Variants in CWC15 observed in about 807,000 individuals in gnomAD.
CWC15 encodes CWC15 spliceosome associated protein.
A neutral mutation model predicts 28.4 loss-of-function variants in CWC15; 12 were observed. The observed-to-expected ratio is 0.42, with a 90% CI of 0.27 to 0.69. CWC15 has a LOEUF of 0.69. CWC15 is among the 30% of genes least tolerant of loss of function. The pLI, the probability that CWC15 is intolerant of heterozygous loss-of-function variation, is 0.23. For synonymous variants in CWC15, 92 were observed against 88.4 expected (o/e 1.04, Z -0.23); for missense variants, 192 against 271.5 (o/e 0.71, Z 2.06).
rs1857595439 is a variant in CWC15, at chr11:94,963,458, T to G, written c.617A>C (p.Lys206Thr). The G allele has an allele frequency of 6.3e-7, 1 of 1,583,240 alleles. No homozygotes were observed. The highest frequency in any genetic ancestry group is 2.3e-5 in the East Asian group (1 of 44,086). The change falls in exon 7 of 7, where the codon AAA becomes ACA. Residue 206 changes from lysine to threonine, a missense_variant. Lys to Thr is a moderately conservative substitution (Grantham distance 78). Around this residue, in one of 2 missense-constraint regions of CWC15, gnomAD observed 188 missense variants for 250.3 expected, o/e 0.75. Coordinates refer to ENST00000279839, the MANE Select transcript of CWC15 (RefSeq NM_016403.4). ...TGTGTCATTTACAAATCTTTTGTCT[T>G]TCTTCTGGTCATCTACACCTTTTGC... Reference protein sequence around the residue: ...NCAKGVDDQKKDKRFVNDTLR... With the variant: ...NCAKGVDDQKTDKRFVNDTLR...
intron 6 of CWC15, among the ~76,000 whole-genome samples, chr11:94,964,866 TCTC>T (rs1455429342): frequency 1.3e-5 from 2 of 152,246 alleles, no homozygotes; most frequent in East Asian, 1.9e-4. Flanking sequence ...AGTTCTGACT[TCTC>T]CTCTCTAGCT....
In CWC15 at chr11:94,966,248, C is replaced by CAA. The variant is rs782241862; in HGVS notation, c.560+46_560+47insTT. The CAA allele has an allele frequency of 5.1e-6, 5 of 986,554 alleles. No homozygotes were observed. In the South Asian group the frequency reaches 6.9e-5, roughly 14 times the overall value. The allele number at this position is 986,554 out of a possible 1,614,324, so 61.1% of individuals were successfully genotyped here. ...ATATACACACACACACACACACACA[C>CAA]ACACACACACACACACACACTCCAT... is the stretch of plus-strand genomic sequence containing the variant. On this transcript the variant is annotated intron_variant, in intron 6 of 6. Coordinates refer to ENST00000279839, the MANE Select transcript of CWC15 (RefSeq NM_016403.4).
At chr11:94,964,848 C>G (rs1857616195) in intron 6 of CWC15, among the ~76,000 whole-genome samples, 1 of 152,242 alleles carries the variant, frequency 6.6e-6, no homozygotes, top group South Asian at 2.1e-4. Flanking sequence ...TCTAAACATA[C>G]CAAGCTCAGT....
chr11:94,966,456 C>T, intron 5 of CWC15, 43 bp from the exon 6 acceptor site: 3 of 1,311,778 alleles, frequency 2.3e-6, no homozygotes, highest in Admixed American at 2.5e-5. Flanking sequence ...TATTTTAACT[C>T]TGGGTTCAAT....
intron 4 of CWC15, 60 bp downstream of exon 4, chr11:94,970,917 G>C: frequency 7.5e-7 from 1 of 1,331,650 alleles, no homozygotes; most frequent in Non-Finnish European, 1.1e-6. Context: ...GACATAACAA[G>C]TATTTTAGAA....
intron 5 of CWC15, 131 bp from the exon 6 acceptor site, chr11:94,966,544 G>GTT: frequency 8.0e-6 from 3 of 375,172 alleles, no homozygotes; most frequent in South Asian, 5.1e-5. Context: ...ATCAAGGCAG[G>GTT]CTTTTTTTTT....
chr11:94,965,405 A>G (rs1555095083), intron 6 of CWC15, among the ~76,000 whole-genome samples: 1 of 152,124 alleles, frequency 6.6e-6, no homozygotes, highest in African/African-American at 2.4e-5. Flanking sequence ...TACAACTTAT[A>G]TTTTCTCCCT....
intron 4 of CWC15, 55 bp from the exon 5 acceptor site, chr11:94,970,151 C>T: frequency 1.2e-6 from 1 of 868,762 alleles, no homozygotes; most frequent in Non-Finnish European, 1.8e-6. Flanking sequence ...ACTACCAAAA[C>T]ACAGTACATA....
At chr11:94,973,265 G>A (rs2134105530) in intron 1 of CWC15, 1 of 148,102 alleles carries the variant, frequency 6.8e-6, no homozygotes, top group South Asian at 2.2e-4. Flanking sequence ...GGGTAGTGAA[G>A]GGAGGACCTG....
rs1555095276 is a variant in CWC15, at chr11:94,966,341, G to T, written c.514C>A (p.Leu172Ile). Residue 172 changes from leucine (L) to isoleucine (I), a missense_variant, in exon 6 of 7, where the codon CTC becomes ATC. Leu to Ile is a conservative substitution (Grantham distance 5, BLOSUM62 2). This residue lies in a region of CWC15 where 188 missense variants were observed against 250.3 expected (regional missense o/e 0.75). Transcript: ENST00000279839. The part of the protein sequence containing the change: ...NILSGNPLLN[L>I]TGPSQPQANF... ...GCCTGAGGCTGGGATGGGCCAGTGAGATTAAGGAGAGGGTTTCCGCTCAGA... is the reference window on the plus strand; with the variant it reads ...GCCTGAGGCTGGGATGGGCCAGTGATATTAAGGAGAGGGTTTCCGCTCAGA... The T allele has an allele frequency of 6.4e-7, 1 of 1,559,926 alleles. No homozygotes were observed. The highest frequency in any genetic ancestry group is 1.2e-5 in the South Asian group (1 of 84,612).
Position 94,963,513 on chromosome 11 carries a change from A to C in CWC15, c.562T>G (p.Trp188Gly). 1.9e-6 allele frequency: 3 copies of C among 1,561,066 alleles called. No homozygotes were observed. Among genetic ancestry groups the C allele is most frequent in the Non-Finnish European group, 2.6e-6 (3 of 1,153,158 alleles). ...PQANFKVKRR[W>G]DDDVVFKNCA... ...TTCTTGAAGACAACGTCATCATCCC[A>C]CCTGAGGAAAAAAAAGCAAACAGAA... is the stretch of plus-strand genomic sequence containing the variant. Residue 188 changes from tryptophan (W) to glycine (G), a missense_variant and splice_region_variant, in exon 7 of 7, where the codon TGG (tryptophan) becomes GGG (glycine). By Grantham distance (184) the Trp-to-Gly change is radical. Around this residue, in one of 2 missense-constraint regions of CWC15, gnomAD observed 188 missense variants for 250.3 expected, o/e 0.75. Coordinates refer to ENST00000279839, the MANE Select transcript of CWC15 (RefSeq NM_016403.4).
intron 6 of CWC15, among the ~76,000 whole-genome samples, chr11:94,965,781 C>A (rs1265979398): frequency 5.9e-5 from 9 of 152,198 alleles, no homozygotes; most frequent in Admixed American, 4.6e-4. Context: ...TGCTGTGTGA[C>A]CACTCATGGA....
intron 2 of CWC15, 75 bp downstream of exon 2, chr11:94,971,980 C>T (rs1857728604): frequency 1.5e-6 from 2 of 1,307,450 alleles, no homozygotes; most frequent in Admixed American, 4.5e-5. Flanking sequence ...CTCAAACATA[C>T]TACTATATCA....
At chr11:94,969,398 T>C (rs1427704748) in intron 5 of CWC15, among the ~76,000 whole-genome samples, 2 of 152,298 alleles carry the variant, frequency 1.3e-5, no homozygotes, top group African/African-American at 4.8e-5. Context: ...TTAGAAAAAA[T>C]CTAGACTCCT....
chr11:94,963,596 CAGTT>C (rs1484719094), intron 6 of CWC15, 82 bp from the exon 7 acceptor site: 1 of 1,187,438 alleles, frequency 8.4e-7, no homozygotes, highest in African/African-American at 1.6e-5. Context: ...AAGGCTTAGT[CAGTT>C]ACACAGAAAG....
rs1452139878 is a variant in CWC15, at chr11:94,969,991, T to G, written c.439A>C (p.Lys147Gln). Residue 147 changes from lysine to glutamine, a missense_variant and splice_region_variant, in exon 5 of 7, where the codon AAG (lysine) becomes CAG (glutamine). Lys to Gln is a moderately conservative substitution (Grantham distance 53). Around this residue, in one of 2 missense-constraint regions of CWC15, gnomAD observed 188 missense variants for 250.3 expected, o/e 0.75. Coordinates refer to ENST00000279839, the MANE Select transcript of CWC15 (RefSeq NM_016403.4). Reference protein sequence around the residue: ...KKERAEEQARKEQEQKAEEER... With the variant: ...KKERAEEQARQEQEQKAEEER... ...AATATTTAATACTTTGGTTTTACCT[T>G]CCTGGCCTGCTCTTCAGCTCTTTCT... 5 of 1,545,632 alleles carry G rather than the reference T, an allele frequency of 3.2e-6. No individual in the cohort carries two copies. The highest frequency in any genetic ancestry group is 4.4e-6 in the Non-Finnish European group (5 of 1,145,424).
chr11:94,972,032 A>C (rs369653534), intron 2 of CWC15, 23 bp downstream of exon 2: 2 of 1,602,244 alleles, frequency 1.2e-6, no homozygotes, highest in African/African-American at 2.7e-5. Context: ...TTTGTGAACA[A>C]TAAAAAAAGA....
intron 2 of CWC15, 47 bp from the exon 3 acceptor site, chr11:94,971,534 A>ACACACG (rs1555096261): frequency 9.6e-7 from 1 of 1,040,236 alleles, no homozygotes; most frequent in Non-Finnish European, 1.5e-6. Context: ...AAACACACAC[A>ACACACG]CACACACACA....
In CWC15 at chr11:94,971,085, A is replaced by G. The variant is rs368445221; in HGVS notation, c.245-20T>C. 6.3e-7 allele frequency: 1 copy of G among 1,588,806 alleles called. No individual in the cohort carries two copies. The highest frequency in any genetic ancestry group is 8.6e-7 in the Non-Finnish European group (1 of 1,157,070). ...TATGTTCTGGGGGGAAACAAAAATC[A>G]TTTAACTTAGTAAAACAAATACTTC... On this transcript the variant is annotated intron_variant, in intron 3 of 6. Coordinates refer to ENST00000279839, the MANE Select transcript of CWC15 (RefSeq NM_016403.4).
Sources: gnomAD v4.1 joint callset for allele counts (sites outside exome capture counted in the v4.1 genomes callset) on GRCh38, gnomAD v4.1.1 for gene constraint, gnomAD v4.1.1 regional missense constraint, MANE v1.5 for transcripts, NCBI Gene and HGNC (gene_info 2026-07-23, HGNC 2026-07-21) for gene names.